Variants in MYO1A observed in about 807,000 individuals in gnomAD.
MYO1A encodes the protein unconventional myosin-Ia.
In MYO1A, 127 loss-of-function variants were observed where a neutral mutation model predicts 138.5. The observed-to-expected ratio is 0.92, with a 90% CI of 0.79 to 1.06. MYO1A has a LOEUF of 1.06. MYO1A is among the 50% of genes least tolerant of loss of function. The probability of loss-of-function intolerance (pLI) is 0.00; values close to 1 mark genes in which losing one functional copy is unlikely to be tolerated. For missense variants in MYO1A, 1,211 were observed against 1,288.8 expected (o/e 0.94, Z 0.92); for synonymous variants, 477 against 497.5 (o/e 0.96, Z 0.55).
chr12:57,048,400 G>C (rs2031216110), intron 1 of MYO1A, 57 bp from the exon 2 acceptor site: 3 of 1,020,786 alleles, frequency 2.9e-6, no homozygotes, highest in Non-Finnish European at 4.6e-6. Context: ...GCCAGTAACT[G>C]TTTGAGGGGA....
chr12:57,037,563 A>C lies in MYO1A; in HGVS notation c.2040T>G (p.Ile680Met). Residue 680 changes from isoleucine to methionine, a missense_variant, in exon 19 of 28, where the codon ATT becomes ATG. Transcript: ENST00000300119. ...ELAFGKTKIF[I>M]RSPKTLFYLE... ...TCTAACTCACAGTCTTGGGGCTTCT[A>C]ATGAAGATCTTTGTCTTGCCAAAGG... 6.2e-7 allele frequency: 1 copy of C among 1,614,080 alleles called. No individual in the cohort carries two copies. The highest frequency in any genetic ancestry group is 8.5e-7 in the Non-Finnish European group (1 of 1,179,972).
intron 8 of MYO1A, 104 bp downstream of exon 8, chr12:57,046,448 G>A: frequency 4.7e-6 from 4 of 856,288 alleles, no homozygotes; most frequent in Non-Finnish European, 8.0e-6. Flanking sequence ...CAAGGGAAGA[G>A]GGCTGTAGGG....
Position 57,028,588 on chromosome 12 carries a change from G to A in MYO1A, c.*167C>T, listed in dbSNP as rs2030090675. 3.5e-6 allele frequency: 3 copies of A among 868,758 alleles called. No individual in the cohort carries two copies. The highest frequency in any genetic ancestry group is 5.2e-6 in the Non-Finnish European group (3 of 572,336). 53.8% of individuals were successfully genotyped at this position (868,758 alleles called of 1,614,324 possible). A position where few individuals can be genotyped will look rare whatever the true frequency, so the allele number is the denominator to read the frequency against. The stretch of plus-strand genomic sequence containing the variant: ...GGGTTGGAGGAAGCTACTTTTGGAG[G>A]AGAGAACAAGAAGGGTTTGGGACAA... On this transcript the variant is annotated 3_prime_UTR_variant, in exon 28 of 28. Transcript: ENST00000300119.
chr12:57,039,282 G>C lies in MYO1A; in HGVS notation c.1270-8C>G. 2 of 1,612,600 alleles carry C rather than the reference G, an allele frequency of 1.2e-6. No homozygotes were observed. The highest frequency in any genetic ancestry group is 1.7e-6 in the Non-Finnish European group (2 of 1,178,614). ...CTTTGTCCACGGTATGCCCTGGTCA[G>C]GGGAGACAACAAATTACAGGGAACA... On this transcript the variant is annotated splice_polypyrimidine_tract_variant and splice_region_variant and intron_variant, in intron 14 of 27. Coordinates refer to ENST00000300119, the MANE Select transcript of MYO1A (RefSeq NM_005379.4).
chr12:57,047,076 G>C lies in MYO1A; in HGVS notation c.462C>G (p.Asn154Lys). Residue 154 changes from asparagine (N) to lysine (K), a missense_variant, in exon 6 of 28, where the codon AAC becomes AAG. By Grantham distance (94) the Asn-to-Lys change is moderately conservative (BLOSUM62 0). Transcript: ENST00000300119. ...AFGNAKTIRN[N>K]NSSRFGKYMD... is the part of the protein sequence containing the mutation. ...ATTTACTCACAAATCGGGAGGAATT[G>C]TTGTTGCGAATGGTCTTGGCATTGC... The C allele has an allele frequency of 6.2e-7, 1 of 1,614,192 alleles. No individual in the cohort carries two copies. Among genetic ancestry groups the C allele is most frequent in the Non-Finnish European group, 8.5e-7 (1 of 1,180,038 alleles).
At chr12:57,047,521 A>G in intron 4 of MYO1A, 106 bp downstream of exon 4, 1 of 1,510,334 alleles carries the variant, frequency 6.6e-7, no homozygotes, top group Non-Finnish European at 9.2e-7. Flanking sequence ...AAAAAGTGGA[A>G]AGGAAGTTCT....
intron 14 of MYO1A, among the ~76,000 whole-genome samples, chr12:57,040,055 G>A (rs1354108021): frequency 1.3e-5 from 2 of 152,208 alleles, no homozygotes; most frequent in African/African-American, 4.8e-5. Flanking sequence ...TCCCACCCAA[G>A]GGTCAGACGC....
In MYO1A at chr12:57,043,233, T is replaced by G; in HGVS notation, c.1011+7A>C. The stretch of plus-strand genomic sequence containing the variant: ...AACAGCCCCCTCCACTCCAGTGAGC[T>G]CCTTACCTGCATAACATTCAGTGCA... On this transcript the variant is annotated splice_region_variant and intron_variant, in intron 11 of 27. Coordinates refer to ENST00000300119, the MANE Select transcript of MYO1A (RefSeq NM_005379.4). The G allele has an allele frequency of 6.2e-7, 1 of 1,614,082 alleles. No homozygotes were observed. Among genetic ancestry groups the G allele is most frequent in the Non-Finnish European group, 8.5e-7 (1 of 1,179,920 alleles).
At chr12:57,031,019 G>A in intron 23 of MYO1A, 21 bp downstream of exon 23, 1 of 1,611,988 alleles carries the variant, frequency 6.2e-7, no homozygotes, top group Non-Finnish European at 8.5e-7. Context: ...ATGAGAGGAG[G>A]GGTGCCTGGG....
At chr12:57,030,419 A>G (rs911052603) in intron 23 of MYO1A, 103 bp from the exon 24 acceptor site, 2 of 987,042 alleles carry the variant, frequency 2.0e-6, no homozygotes, top group Non-Finnish European at 3.2e-6. Flanking sequence ...GAGGAGAGAG[A>G]CTGAGGAAAA....
At position 57,029,174 on chromosome 12, in the gene MYO1A, A is replaced by G; in HGVS notation, c.2963T>C (p.Leu988Pro). 6.2e-7 allele frequency: 1 copy of G among 1,614,142 alleles called. No homozygotes were observed. Among genetic ancestry groups the G allele is most frequent in the Non-Finnish European group, 8.5e-7 (1 of 1,180,018 alleles). ...ELLTKMYRAVLDATQRQLTVT... is the reference protein window; with the variant it reads ...ELLTKMYRAVPDATQRQLTVT... ...TGTAAGCTGCCTCTGCGTGGCATCC[A>G]GCACAGCCCGGTACATTTTGGTCAG... Residue 988 changes from leucine (L) to proline (P), a missense_variant, in exon 27 of 28, where the codon CTG (leucine) becomes CCG (proline). Leu to Pro is a moderately conservative substitution (Grantham distance 98). Transcript: ENST00000300119.
In MYO1A at chr12:57,041,222, T is replaced by C; in HGVS notation, c.1231A>G (p.Met411Val). ...NEKLQQVFIE[M>V]TLKEEQEEYK... ...TCCTCTTGCTCTTCTTTCAGGGTCA[T>C]CTCTATGAACACCTGCTGCAGCTTC... Residue 411 changes from methionine to valine, a missense_variant, in exon 14 of 28, where the codon ATG becomes GTG. Coordinates refer to ENST00000300119, the MANE Select transcript of MYO1A (RefSeq NM_005379.4). 1 of 1,613,856 alleles carries C rather than the reference T, an allele frequency of 6.2e-7. No individual in the cohort carries two copies. The highest frequency in any genetic ancestry group is 8.5e-7 in the Non-Finnish European group (1 of 1,180,006).
intron 10 of MYO1A, among the ~76,000 whole-genome samples, 192 bp downstream of exon 10, chr12:57,043,664 C>G (rs1006048954): frequency 6.6e-6 from 1 of 152,148 alleles, no homozygotes; most frequent in African/African-American, 2.4e-5. Context: ...CTAGATATAT[C>G]AAATTTCAAA....
At chr12:57,037,466 C>T (rs141346283) in intron 19 of MYO1A, 82 bp downstream of exon 19, 95 of 1,220,430 alleles carry the variant, frequency 7.8e-5, no homozygotes, top group Non-Finnish European at 9.5e-5. Context: ...AGGTTATACA[C>T]GCTCCCTCCC....
At chr12:57,039,098 T>A (rs2030739829) in intron 15 of MYO1A, 89 bp from the exon 16 acceptor site, 1 of 1,560,370 alleles carries the variant, frequency 6.4e-7, no homozygotes, top group Non-Finnish European at 8.8e-7. Flanking sequence ...TCCACTCTTA[T>A]CTTCTGCCCT....
chr12:57,050,307 T>C (rs140295260), upstream of MYO1A, among the ~76,000 whole-genome samples: 7 of 152,224 alleles, frequency 4.6e-5, no homozygotes, highest in East Asian at 1.2e-3. Context: ...TGCTCCATTG[T>C]CTCCCAAATT....
intron 22 of MYO1A, among the ~76,000 whole-genome samples, chr12:57,032,381 G>A (rs1015324502): frequency 6.6e-5 from 10 of 152,164 alleles, no homozygotes; most frequent in South Asian, 4.1e-4. Flanking sequence ...ACATTCTACT[G>A]TAGGGTGGAG....
chr12:57,048,365 T>C (rs375552200), intron 1 of MYO1A, 22 bp from the exon 2 acceptor site: 5 of 1,427,088 alleles, frequency 3.5e-6, no homozygotes, highest in Non-Finnish European at 4.0e-6. Context: ...AGGCACAGTT[T>C]GCTGATGTCC....
rs550686266 is a variant in MYO1A at position 57,043,294 on chromosome 12, C to T, written c.957G>A (p.Ser319=). ...TTTCCTTGGCTGTTTCCATGGTCCT[C>T]GAGCACAAAGCTCTCTCTACTTCTT... ...NSEEVERALC[S]RTMETAKEKV... Residue 319 remains serine, a synonymous_variant, in exon 11 of 28, where the codon TCG becomes TCA. Transcript: ENST00000300119. The T allele has an allele frequency of 1.7e-5, 27 of 1,614,038 alleles. 1 individual carries two copies. The highest frequency in any genetic ancestry group is 8.0e-5 in the African/African-American group (6 of 74,912).
Sources: allele counts gnomAD v4.1 joint callset (sites outside exome capture counted in the v4.1 genomes callset), GRCh38; gene constraint gnomAD v4.1.1; transcripts MANE v1.5; gene names NCBI Gene and HGNC (gene_info 2026-07-23, HGNC 2026-07-21).